Variants in GCN1 observed in about 807,000 individuals in gnomAD.
GCN1 encodes GCN1 activator of EIF2AK4.
A neutral mutation model predicts 288.4 loss-of-function variants in GCN1; 90 were observed. That is an observed-to-expected ratio of 0.31 (90% confidence interval 0.26 to 0.37). The LOEUF (loss-of-function observed/expected upper bound fraction) is 0.37. Ranked by LOEUF, GCN1 falls within the 10% of genes least tolerant of loss-of-function variation. The pLI, the probability that GCN1 is intolerant of heterozygous loss-of-function variation, is 1.00. For missense variants in GCN1, 2,586 were observed against 3,419.9 expected, an observed-to-expected ratio of 0.76 and a Z score of 6.08; for synonymous variants, 1,386 against 1,420.2, an observed-to-expected ratio of 0.98 and a Z score of 0.54.
In GCN1 at chr12:120,134,311, TCAG is replaced by T. The variant is rs1876925115; in HGVS notation, c.7294_7296del (p.Leu2432del). Reference sequence around the variant, plus strand: ...CGTACCTCATCGTGTCCCAGCATGCTCAGCAGGAGTGAGACGATGTTTTTCCGG... The same window carrying T: ...CGTACCTCATCGTGTCCCAGCATGCTCAGGAGTGAGACGATGTTTTTCCGG... On this transcript the variant is annotated inframe_deletion, in exon 53 of 58. Transcript: ENST00000300648. The surrounding 1 kb of genome is among the most constrained non-coding windows in gnomAD (Gnocchi z 5.0). The T allele has an allele frequency of 6.2e-7, 1 of 1,613,404 alleles. No homozygotes were observed. The highest frequency in any genetic ancestry group is 8.5e-7 in the Non-Finnish European group (1 of 1,179,516).
At position 120,144,972 on chromosome 12, in the gene GCN1, C is replaced by G. The variant is rs1329097557; in HGVS notation, c.5106G>C (p.Glu1702Asp). The stretch of plus-strand genomic sequence containing the variant: ...CAGAGCTCTGCTCATAGGTCAGTGT[C>G]TCCATCAGCCACGGCAGCAAGTCCT... The part of the protein sequence containing the change: ...CFEDLLPWLM[E>D]TLTYEQSSVD... The change falls in exon 40 of 58, where the codon GAG (glutamate) becomes GAC (aspartate). Residue 1702 changes from glutamate (E) to aspartate (D), a missense_variant. This residue lies in a region of GCN1 where 371 missense variants were observed against 572.6 expected (regional missense o/e 0.65). Coordinates refer to ENST00000300648, the MANE Select transcript of GCN1 (RefSeq NM_006836.2). The surrounding 1 kb of genome is among the most constrained non-coding windows in gnomAD (Gnocchi z 4.7). 1.2e-6 allele frequency: 2 copies of G among 1,614,044 alleles called. No homozygotes were observed. Among genetic ancestry groups the G allele is most frequent in the African/African-American group, 1.3e-5 (1 of 74,942 alleles).
chr12:120,142,394 C>T lies in GCN1; in HGVS notation c.5829+113G>A. On this transcript the variant is annotated intron_variant, in intron 44 of 57. Transcript: ENST00000300648. This position sits in a 1 kb window ranked among gnomAD's most constrained non-coding sequence, Gnocchi z 4.9. ...ATGACTAAGTAAAGAACACAATGTCCCTCTGTTAGGCAGGGTGGATGGGTA... is the reference window on the plus strand; with the variant it reads ...ATGACTAAGTAAAGAACACAATGTCTCTCTGTTAGGCAGGGTGGATGGGTA... 1.4e-6 allele frequency: 1 copy of T among 702,758 alleles called. No individual in the cohort carries two copies. Among genetic ancestry groups the T allele is most frequent in the African/African-American group, 1.8e-5 (1 of 56,214 alleles). 43.5% of individuals were successfully genotyped at this position (702,758 alleles called of 1,614,324 possible).
At position 120,155,400 on chromosome 12, in the gene GCN1, C is replaced by T. The variant is rs1877712190; in HGVS notation, c.3471G>A (p.Gln1157=). The change falls in exon 30 of 58, where the codon CAG becomes CAA. Residue 1157 remains glutamine, a synonymous_variant. Transcript: ENST00000300648. The surrounding 1 kb of genome is among the most constrained non-coding windows in gnomAD (Gnocchi z 4.9). The stretch of plus-strand genomic sequence containing the variant: ...CAATCAGCAAGGAGCAGAGGTCTGG[C>T]TGCAGGTCTAGGCCCATCATTGACC... The part of the protein sequence containing the change: ...RLWSMMGLDL[Q]PDLCSLLIDD... 6.2e-7 allele frequency: 1 copy of T among 1,614,048 alleles called. No homozygotes were observed. Among genetic ancestry groups the T allele is most frequent in the Non-Finnish European group, 8.5e-7 (1 of 1,180,034 alleles).
At position 120,131,241 on chromosome 12, in the gene GCN1, C is replaced by T. The variant is rs770877751; in HGVS notation, c.7507G>A (p.Gly2503Ser). Residue 2503 changes from glycine (G) to serine (S), a missense_variant, in exon 55 of 58, where the codon GGC becomes AGC. Around this residue, in one of 8 missense-constraint regions of GCN1, gnomAD observed 355 missense variants for 431.1 expected, o/e 0.82. Transcript: ENST00000300648. ...TCCTGAACATCACTGCTATATCTGC[C>T]GGCACAAAGTCTGCCAGGAGCCACA... ...VNVAPGRLCA[G>S]RYSSDVQEMI... The T allele has an allele frequency of 6.3e-5, 101 of 1,614,012 alleles. No homozygotes were observed. Among genetic ancestry groups the T allele is most frequent in the East Asian group, 5.1e-4 (23 of 44,896 alleles).
At chr12:120,194,396 A>G (rs1252660963) in intron 1 of GCN1, among the ~76,000 whole-genome samples, 2 of 152,208 alleles carry the variant, frequency 1.3e-5, no homozygotes, top group East Asian at 3.9e-4. Context: ...GGCTCGGTAA[A>G]GTGAACTTCT....
chr12:120,165,049 ATATT>A (rs1165583154), intron 16 of GCN1, among the ~76,000 whole-genome samples: 1 of 147,740 alleles, frequency 6.8e-6, no homozygotes, highest in African/African-American at 2.5e-5. Flanking sequence ...ATATATATAT[ATATT>A]TTTTTTTTTG....
At chr12:120,187,651 A>G (rs976011888) in intron 2 of GCN1, among the ~76,000 whole-genome samples, 5 of 152,028 alleles carry the variant, frequency 3.3e-5, no homozygotes, top group African/African-American at 1.2e-4. Flanking sequence ...GGAAAGCAGT[A>G]GCACAATCAT....
chr12:120,149,749 G>A (rs765560363), intron 35 of GCN1, 29 bp from the exon 36 acceptor site: 25 of 1,583,428 alleles, frequency 1.6e-5, no homozygotes, highest in Admixed American at 6.7e-5. Context: ...ACATTCAGGG[G>A]CCTCCTCACC....
At chr12:120,132,760 A>G (rs1037425919) in intron 53 of GCN1, among the ~76,000 whole-genome samples, 5 of 152,124 alleles carry the variant, frequency 3.3e-5, no homozygotes, top group Non-Finnish European at 7.4e-5. Context: ...ATGTCCCCAA[A>G]ACAAACCACC....
At chr12:120,157,750 T>C (rs1877796541) in intron 26 of GCN1, 99 bp downstream of exon 26, 1 of 995,256 alleles carries the variant, frequency 1.0e-6, no homozygotes, top group East Asian at 2.5e-5. Context: ...ACACTCTCTA[T>C]TTCCCCACCA....
At position 120,192,814 on chromosome 12, in the gene GCN1, G is replaced by A. The variant is rs567028394; in HGVS notation, c.18+1866C>T. Among the ~76,000 whole-genome samples the A allele has an allele frequency of 5.3e-5, 8 of 152,172 alleles. No individual in the cohort carries two copies. In the South Asian group the frequency reaches 1.0e-3, roughly 20 times the overall value. On this transcript the variant is annotated intron_variant, in intron 1 of 57. Transcript: ENST00000300648. Reference sequence around the variant, plus strand: ...AATCCCAGCACTTTGGGAGACAGAGGCGGACAGATTGCTTGAGGTCAGAAG... The same window carrying A: ...AATCCCAGCACTTTGGGAGACAGAGACGGACAGATTGCTTGAGGTCAGAAG...
rs1190357130 is a variant in GCN1, at chr12:120,127,626, G to A, written c.*223C>T. The A allele has an allele frequency of 2.6e-5, 14 of 534,030 alleles. No individual in the cohort carries two copies. The highest frequency in any genetic ancestry group is 6.7e-5 in the East Asian group (2 of 29,892). 33.1% of individuals were successfully genotyped at this position (534,030 alleles called of 1,614,324 possible). On this transcript the variant is annotated 3_prime_UTR_variant, in exon 58 of 58. Coordinates refer to ENST00000300648, the MANE Select transcript of GCN1 (RefSeq NM_006836.2). Reference sequence around the variant, plus strand: ...GGCTGCCATTTGCTGAGGCGCATGCGTGTGCTTTTCCTTCTCTTCTCCACA... The same window carrying A: ...GGCTGCCATTTGCTGAGGCGCATGCATGTGCTTTTCCTTCTCTTCTCCACA...
chr12:120,131,902 AGG>A (rs1876838533), intron 54 of GCN1, 22 bp downstream of exon 54: 1 of 1,485,180 alleles, frequency 6.7e-7, no homozygotes, highest in Non-Finnish European at 9.3e-7. Flanking sequence ...AGGTCCCTGA[AGG>A]GGAACTCTCC....
At position 120,132,319 on chromosome 12, in the gene GCN1, C is replaced by T. The variant is rs147136780; in HGVS notation, c.7318-297G>A. On this transcript the variant is annotated intron_variant, in intron 53 of 57. Coordinates refer to ENST00000300648, the MANE Select transcript of GCN1 (RefSeq NM_006836.2). ...AGCAGTAATAACTGTATTTACATAG[C>T]ATCTTTCTTCTTAGGAAGGCTGAAT... Among the ~76,000 whole-genome samples the T allele has an allele frequency of 2.4e-3, 367 of 151,370 alleles. 1 individual carries two copies. The highest frequency in any genetic ancestry group is 8.6e-3 in the African/African-American group (357 of 41,424).
At chr12:120,173,474 T>G (rs911761668) in intron 14 of GCN1, among the ~76,000 whole-genome samples, 179 bp downstream of exon 14, 1 of 152,216 alleles carries the variant, frequency 6.6e-6, no homozygotes, top group African/African-American at 2.4e-5. Flanking sequence ...AAGCCAGAAT[T>G]TGTTGTGAAG....
At position 120,164,686 on chromosome 12, in the gene GCN1, A is replaced by G. The variant is rs1285456857; in HGVS notation, c.1648T>C (p.Phe550Leu). ...GTGAGTCTATGCGGGTGGTCAAGGA[A>G]AAGTCTCTCTGTCAGATGCAACACA... is the stretch of plus-strand genomic sequence containing the variant. The part of the protein sequence containing the change: ...CTVLHLTERL[F>L]LDHPHRLTGN... Residue 550 changes from phenylalanine to leucine, a missense_variant, in exon 17 of 58, where the codon TTC becomes CTC. Phe to Leu is a conservative substitution (Grantham distance 22). Transcript: ENST00000300648. 4 of 1,613,726 alleles carry G rather than the reference A, an allele frequency of 2.5e-6. No individual in the cohort carries two copies. The highest frequency in any genetic ancestry group is 3.4e-6 in the Non-Finnish European group (4 of 1,179,700).
In GCN1 at chr12:120,158,739, G is replaced by A. The variant is rs943744313; in HGVS notation, c.2750-124C>T. 16 of 841,342 alleles carry A rather than the reference G, an allele frequency of 1.9e-5. No homozygotes were observed. The highest frequency in any genetic ancestry group is 1.4e-4 in the African/African-American group (8 of 58,172). The allele number at this position is 841,342 out of a possible 1,614,324, so 52.1% of individuals were successfully genotyped here. A position where few individuals can be genotyped will look rare whatever the true frequency, so the allele number is the denominator to read the frequency against. On this transcript the variant is annotated intron_variant, in intron 24 of 57. Coordinates refer to ENST00000300648, the MANE Select transcript of GCN1 (RefSeq NM_006836.2). This position sits in a 1 kb window ranked among gnomAD's most constrained non-coding sequence, Gnocchi z 4.3. ...TAAAAAAATATTTCTGCGGCTGGGCGCGGTGGCTGATGCCTGTAATCCCAG... is the reference window on the plus strand; with the variant it reads ...TAAAAAAATATTTCTGCGGCTGGGCACGGTGGCTGATGCCTGTAATCCCAG...
intron 6 of GCN1, 45 bp downstream of exon 6, chr12:120,178,807 T>C (rs1175755815): frequency 1.2e-6 from 2 of 1,613,252 alleles, no homozygotes; most frequent in African/African-American, 1.3e-5. Context: ...AGTGGGGGAG[T>C]GGCATGGAAG....
chr12:120,145,265 A>T lies in GCN1; in HGVS notation c.5013T>A (p.Pro1671=). 1 of 1,598,296 alleles carries T rather than the reference A, an allele frequency of 6.3e-7. No homozygotes were observed. The highest frequency in any genetic ancestry group is 8.5e-7 in the Non-Finnish European group (1 of 1,172,104). ...CCCCAGCCTACCTCAGACTCACCTC[A>T]GGCACAGGGTCCAAAAGCGATGCTT... ...GLKASLLDPV[P]EVRTVSAKAL... Residue 1671 remains proline, a synonymous_variant, in exon 39 of 58, where the codon CCT becomes CCA. Transcript: ENST00000300648.
Sources: allele counts gnomAD v4.1 joint callset (sites outside exome capture counted in the v4.1 genomes callset), GRCh38; gene constraint gnomAD v4.1.1; regional missense constraint gnomAD v4.1.1; non-coding constraint Gnocchi (gnomAD v3.1); transcripts MANE v1.5; gene names NCBI Gene and HGNC (gene_info 2026-07-23, HGNC 2026-07-21).